Variants in PHACTR1 observed in about 807,000 individuals in gnomAD.
PHACTR1 encodes the protein RPEL repeat containing 1.
A neutral mutation model predicts 69.2 loss-of-function variants in PHACTR1; 16 were observed. That is an observed-to-expected ratio of 0.23 (90% confidence interval 0.16 to 0.35). PHACTR1 has a LOEUF of 0.35. Among genes scored for constraint, PHACTR1 ranks in the 10% least tolerant of loss-of-function variants. The probability of loss-of-function intolerance (pLI) is 1.00; values close to 1 mark genes in which losing one functional copy is unlikely to be tolerated. For synonymous variants in PHACTR1, 312 were observed against 284.5 expected, an observed-to-expected ratio of 1.10 and a Z score of -0.97; for missense variants, 510 against 734.7, an observed-to-expected ratio of 0.69 and a Z score of 3.54.
chr6:12,825,012 C>T (rs984500705), intron 4 of PHACTR1, among the ~76,000 whole-genome samples: 1 of 152,160 alleles, frequency 6.6e-6, no homozygotes, highest in African/African-American at 2.4e-5. Flanking sequence ...GGAGCAGTAG[C>T]TCACACCTGT....
intron 4 of PHACTR1, among the ~76,000 whole-genome samples, chr6:12,761,209 G>A (rs1243941665): frequency 6.6e-6 from 1 of 152,244 alleles, no homozygotes; most frequent in African/African-American, 2.4e-5. Flanking sequence ...GCAAGAAACA[G>A]ATGTGGTCTG....
chr6:12,767,237 C>T (rs1768746964), intron 4 of PHACTR1, among the ~76,000 whole-genome samples: 1 of 152,200 alleles, frequency 6.6e-6, no homozygotes. Context: ...AGTGCCCCCA[C>T]AGAAGGCTTG....
Position 13,250,702 on chromosome 6 carries a change from G to A in PHACTR1, c.1391+20509G>A, listed in dbSNP as rs1774265050. ...GTATGTTCCTGTTTTTGCAGCTGAAGCTAGATTCCAAGTCCTGCAGGAAAA... is the reference window on the plus strand; with the variant it reads ...GTATGTTCCTGTTTTTGCAGCTGAAACTAGATTCCAAGTCCTGCAGGAAAA... On this transcript the variant is annotated intron_variant, in intron 10 of 14. Coordinates refer to ENST00000332995, the MANE Select transcript of PHACTR1 (RefSeq NM_030948.6). 3.3e-5 allele frequency among the ~76,000 whole-genome samples: 5 copies of A among 152,206 alleles called. No individual in the cohort carries two copies. The South Asian group carries it at 1.0e-3, about 31-fold the overall frequency.
chr6:12,768,178 G>C (rs1053456194), intron 4 of PHACTR1, among the ~76,000 whole-genome samples: 2 of 144,998 alleles, frequency 1.4e-5, no homozygotes, highest in African/African-American at 5.1e-5. Flanking sequence ...GCAGTGGCGC[G>C]ATCTCGGCTC....
intron 4 of PHACTR1, among the ~76,000 whole-genome samples, chr6:13,004,052 G>T (rs1156228686): frequency 6.8e-6 from 1 of 146,368 alleles, no homozygotes; most frequent in Non-Finnish European, 1.5e-5. Context: ...CCATATCTTT[G>T]CTATTGTGAA....
intron 4 of PHACTR1, chr6:12,957,668 G>C (rs1437075129): frequency 1.0e-6 from 1 of 985,552 alleles, no homozygotes; most frequent in African/African-American, 1.7e-5. Context: ...AGTGAGGCTG[G>C]AGAGACCATC....
At chr6:13,281,460 A>G in intron 12 of PHACTR1, 1 of 336,786 alleles carries the variant, frequency 3.0e-6, no homozygotes, top group Non-Finnish European at 6.1e-6. Context: ...AGGCTGAGGC[A>G]GGAGAGTTAC....
chr6:13,057,791 C>T (rs553439765), intron 5 of PHACTR1, among the ~76,000 whole-genome samples: 5 of 152,272 alleles, frequency 3.3e-5, no homozygotes, highest in South Asian at 2.1e-4. Flanking sequence ...ATGTTTTGGA[C>T]GTAGACCTCC....
At chr6:12,959,444 T>TA (rs1406241759) in intron 4 of PHACTR1, among the ~76,000 whole-genome samples, 2 of 152,118 alleles carry the variant, frequency 1.3e-5, no homozygotes, top group South Asian at 2.1e-4. Flanking sequence ...ACAACAAAGC[T>TA]AAAAAAGCAT....
intron 4 of PHACTR1, among the ~76,000 whole-genome samples, chr6:12,966,746 G>A (rs1793552256): frequency 6.6e-6 from 1 of 152,076 alleles, no homozygotes; most frequent in Admixed American, 6.5e-5. Context: ...CATTTTATTT[G>A]TGTTATGTTA....
chr6:12,996,573 A>G (rs1797434713), intron 4 of PHACTR1, among the ~76,000 whole-genome samples: 1 of 152,226 alleles, frequency 6.6e-6, no homozygotes, highest in Non-Finnish European at 1.5e-5. Context: ...AAAATCAATT[A>G]GGCTGATGAG....
Position 12,832,857 on chromosome 6 carries a change from T to TA in PHACTR1, c.250+83071dup. On this transcript the variant is annotated intron_variant, in intron 4 of 14. Coordinates refer to ENST00000332995, the MANE Select transcript of PHACTR1 (RefSeq NM_030948.6). ...GGGTGTGGAATAATATGCTAAATGC[T>TA]AAAATGCCTTCTCTGAGCCAAAACA... Among the ~76,000 whole-genome samples the TA allele has an allele frequency of 2.0e-5, 3 of 152,296 alleles. No individual in the cohort carries two copies. The South Asian group carries it at 6.2e-4, about 32-fold the overall frequency.
chr6:12,851,460 T>A (rs1779818898), intron 4 of PHACTR1, among the ~76,000 whole-genome samples: 1 of 152,204 alleles, frequency 6.6e-6, no homozygotes, highest in Non-Finnish European at 1.5e-5. Context: ...GCCAACAGCC[T>A]ACAGATTTCC....
chr6:12,898,574 C>T (rs1784904883), intron 4 of PHACTR1, among the ~76,000 whole-genome samples: 1 of 152,074 alleles, frequency 6.6e-6, no homozygotes, highest in Admixed American at 6.6e-5. Flanking sequence ...GACATATCTG[C>T]CTCCTTTTAT....
chr6:13,091,656 T>A (rs891547336), intron 5 of PHACTR1, among the ~76,000 whole-genome samples: 5 of 152,164 alleles, frequency 3.3e-5, no homozygotes, highest in African/African-American at 1.2e-4. Flanking sequence ...TAATGTAGAA[T>A]CAGTGGGAGC....
At chr6:13,282,858 A>G (rs920136915) in intron 12 of PHACTR1, among the ~76,000 whole-genome samples, 5 of 151,964 alleles carry the variant, frequency 3.3e-5, no homozygotes, top group African/African-American at 1.2e-4. Context: ...CAGAAAGACA[A>G]GCTTCTAGTA....
intron 5 of PHACTR1, among the ~76,000 whole-genome samples, chr6:13,155,684 T>G (rs954765176): frequency 5.3e-5 from 8 of 152,052 alleles, no homozygotes; most frequent in African/African-American, 1.9e-4. Context: ...GGTCAGGAGT[T>G]CGAGACCAGC....
intron 7 of PHACTR1, among the ~76,000 whole-genome samples, chr6:13,194,107 T>C (rs1158341692): frequency 1.3e-5 from 2 of 152,164 alleles, no homozygotes; most frequent in Non-Finnish European, 2.9e-5. Flanking sequence ...TTTGACTCTT[T>C]GAGAGCAGTT....
chr6:13,135,345 A>C (rs1170121533), intron 5 of PHACTR1, among the ~76,000 whole-genome samples: 3 of 152,120 alleles, frequency 2.0e-5, no homozygotes, highest in African/African-American at 7.2e-5. Context: ...TCATTCTGGG[A>C]GCCCTGTGCG....
Sources: gnomAD v4.1 joint callset for allele counts (sites outside exome capture counted in the v4.1 genomes callset) on GRCh38, gnomAD v4.1.1 for gene constraint, MANE v1.5 for transcripts, NCBI Gene and HGNC (gene_info 2026-07-23, HGNC 2026-07-21) for gene names.